The following PCDH15 variants were observed in gnomAD, a reference collection of about 807,000 sequenced individuals.
PCDH15 encodes protocadherin-15.
PCDH15 carries 129 observed loss-of-function variants against 178.5 expected under a neutral mutation model. The ratio of observed to expected loss-of-function variants is 0.72; its 90% CI spans 0.63 to 0.84. PCDH15 has a LOEUF of 0.84. Among genes scored for constraint, PCDH15 ranks in the 40% least tolerant of loss-of-function variants. The pLI is 0.00. For synonymous variants in PCDH15, 800 were observed against 732.0 expected (o/e 1.09, Z -1.50); for missense variants, 2,230 against 2,099.9 (o/e 1.06, Z -1.21).
chr10:53,839,489 G>A (rs866181061), intron 29 of PCDH15, among the ~76,000 whole-genome samples: 8 of 151,796 alleles, frequency 5.3e-5, no homozygotes, highest in African/African-American at 1.9e-4. Context: ...TATAGACAAA[G>A]AAAAACTAAA....
intron 25 of PCDH15, among the ~76,000 whole-genome samples, chr10:53,912,401 T>C (rs1425848603): frequency 6.6e-6 from 1 of 152,190 alleles, no homozygotes; most frequent in Non-Finnish European, 1.5e-5. Flanking sequence ...GGATGCCCTC[T>C]CTTAACACTC....
intron 3 of PCDH15, among the ~76,000 whole-genome samples, chr10:54,406,730 A>C (rs2135556335): frequency 6.6e-6 from 1 of 152,238 alleles, no homozygotes; most frequent in South Asian, 2.1e-4. Context: ...GTTAACCTTA[A>C]CCCCTACCTC....
At chr10:55,060,877 C>A (rs549861018) in intron 2 of PCDH15, among the ~76,000 whole-genome samples, 189 of 148,792 alleles carry the variant, frequency 1.3e-3, no homozygotes, top group African/African-American at 4.4e-3. Context: ...AACACCACAT[C>A]AAAAAAAAAT....
At chr10:54,261,029 T>C (rs2057280688) in intron 8 of PCDH15, among the ~76,000 whole-genome samples, 1 of 152,220 alleles carries the variant, frequency 6.6e-6, no homozygotes, top group Non-Finnish European at 1.5e-5. Flanking sequence ...AAACAGTTTA[T>C]ATTTCTGCAC....
At chr10:54,233,134 G>A (rs2054255427) in intron 9 of PCDH15, among the ~76,000 whole-genome samples, 1 of 151,746 alleles carries the variant, frequency 6.6e-6, no homozygotes, top group African/African-American at 2.4e-5. Flanking sequence ...TGTAGAGACA[G>A]GGTTTCGCCA....
At chr10:54,925,511 A>C (rs941046262) in intron 2 of PCDH15, among the ~76,000 whole-genome samples, 3 of 152,146 alleles carry the variant, frequency 2.0e-5, no homozygotes, top group African/African-American at 7.2e-5. Context: ...TAGGAATAGC[A>C]TTGCATTTAC....
intron 1 of PCDH15, among the ~76,000 whole-genome samples, chr10:54,686,874 A>G (rs536991834): frequency 3.1e-4 from 47 of 152,282 alleles, no homozygotes; most frequent in Admixed American, 4.6e-4. Context: ...TGCAAAATGT[A>G]TATTTGATAA....
At chr10:54,281,224 G>A (rs1018559839) in intron 8 of PCDH15, among the ~76,000 whole-genome samples, 2 of 151,686 alleles carry the variant, frequency 1.3e-5, no homozygotes, top group African/African-American at 4.8e-5. Flanking sequence ...ATCTTATCTT[G>A]GCAACGAACT....
At chr10:54,216,002 C>CACCGCACT (rs1554842129) in intron 9 of PCDH15, among the ~76,000 whole-genome samples, 13 of 137,676 alleles carry the variant, frequency 9.4e-5, no homozygotes, top group African/African-American at 3.8e-4. Flanking sequence ...GAGATCGTAC[C>CACCGCACT]ACTGCACTAC....
chr10:54,900,586 T>C (rs1387095759), intron 2 of PCDH15, among the ~76,000 whole-genome samples: 1 of 152,206 alleles, frequency 6.6e-6, no homozygotes, highest in Admixed American at 6.6e-5. Flanking sequence ...TATTCAGGAA[T>C]GCCTTTGACA....
intron 2 of PCDH15, among the ~76,000 whole-genome samples, chr10:54,976,001 C>A (rs1029690401): frequency 6.6e-6 from 1 of 151,970 alleles, no homozygotes; most frequent in Non-Finnish European, 1.5e-5. Flanking sequence ...TACCCTGAAC[C>A]ATTTCTTCCA....
rs1943297483 is a variant in PCDH15, at chr10:54,346,429, G to A, written c.530C>T (p.Thr177Ile). 6.2e-7 allele frequency: 1 copy of A among 1,613,612 alleles called. No homozygotes were observed. Among genetic ancestry groups the A allele is most frequent in the Non-Finnish European group, 8.5e-7 (1 of 1,179,696 alleles). Reference protein sequence around the residue: ...FTGFSGDNGATDIDDGPNGQI... With the variant: ...FTGFSGDNGAIDIDDGPNGQI... The stretch of plus-strand genomic sequence containing the variant: ...TCCATTTGGTCCATCATCTATATCT[G>A]TAGCTCCATTGTCTCCTGAAAATCC... The change falls in exon 6 of 38, where the codon ACA becomes ATA. Residue 177 changes from threonine (T) to isoleucine (I), a missense_variant. Coordinates refer to ENST00000644397, the MANE Select transcript of PCDH15 (RefSeq NM_001384140.1).
chr10:54,087,613 T>C (rs2094535076), intron 16 of PCDH15, among the ~76,000 whole-genome samples: 1 of 152,222 alleles, frequency 6.6e-6, no homozygotes, highest in African/African-American at 2.4e-5. Flanking sequence ...TTATGAACTT[T>C]CTTTGTGCAA....
At chr10:54,223,199 A>C (rs905234966) in intron 9 of PCDH15, among the ~76,000 whole-genome samples, 17 of 150,524 alleles carry the variant, frequency 1.1e-4, no homozygotes, top group African/African-American at 4.2e-4. Flanking sequence ...TAATCTAGGT[A>C]CTCGAGAGGC....
chr10:54,629,621 C>T (rs1239206801), intron 2 of PCDH15, among the ~76,000 whole-genome samples: 1 of 151,978 alleles, frequency 6.6e-6, no homozygotes, highest in African/African-American at 2.4e-5. Flanking sequence ...TGTGACAAAC[C>T]TAGAGCAAAA....
At chr10:54,285,371 T>C (rs938320806) in intron 8 of PCDH15, among the ~76,000 whole-genome samples, 1 of 151,528 alleles carries the variant, frequency 6.6e-6, no homozygotes, top group African/African-American at 2.4e-5. Context: ...CTCAAACAAC[T>C]CAATAGCAAG....
At chr10:55,095,656 G>T (rs1188586078) in intron 2 of PCDH15, among the ~76,000 whole-genome samples, 2 of 152,132 alleles carry the variant, frequency 1.3e-5, no homozygotes, top group East Asian at 1.9e-4. Context: ...ATTTGCAAAA[G>T]ATTAAAATAG....
chr10:54,310,433 G>A (rs2060833675), intron 8 of PCDH15, among the ~76,000 whole-genome samples: 1 of 152,048 alleles, frequency 6.6e-6, no homozygotes, highest in Admixed American at 6.6e-5. Flanking sequence ...AGAGTATATA[G>A]GTAATGCAGA....
At chr10:55,485,563 A>C (rs1490027702) in intron 2 of PCDH15, among the ~76,000 whole-genome samples, 1 of 151,684 alleles carries the variant, frequency 6.6e-6, no homozygotes, top group Non-Finnish European at 1.5e-5. Flanking sequence ...AAACTAGTAG[A>C]GCCATTATGG....
Sources: allele counts gnomAD v4.1 joint callset (sites outside exome capture counted in the v4.1 genomes callset), GRCh38; gene constraint gnomAD v4.1.1; transcripts MANE v1.5; gene names NCBI Gene and HGNC (gene_info 2026-07-23, HGNC 2026-07-21).